The following SPAG16 variants were observed in gnomAD, a reference collection of about 807,000 sequenced individuals.
SPAG16 encodes sperm associated antigen 16.
A neutral mutation model predicts 80.4 loss-of-function variants in SPAG16; 86 were observed. That is an observed-to-expected ratio of 1.07 (90% CI 0.90 to 1.28). The LOEUF is 1.28. Ranked by LOEUF, SPAG16 falls within the 50% of genes most tolerant of loss-of-function variation. The pLI is 0.00. For missense variants in SPAG16, 870 were observed against 765.3 expected, an observed-to-expected ratio of 1.14 and a Z score of -1.61; for synonymous variants, 294 against 265.9, an observed-to-expected ratio of 1.11 and a Z score of -1.03.
chr2:213,813,011 T>C (rs2072277942), intron 10 of SPAG16, among the ~76,000 whole-genome samples: 1 of 152,202 alleles, frequency 6.6e-6, no homozygotes, highest in African/African-American at 2.4e-5. Context: ...AGTTATAAAA[T>C]TGACTTCATT....
chr2:214,246,788 G>A (rs942969682), intron 15 of SPAG16, among the ~76,000 whole-genome samples: 6 of 151,966 alleles, frequency 3.9e-5, no homozygotes, highest in African/African-American at 1.2e-4. Flanking sequence ...GCTATATTTT[G>A]GAGATATTTT....
Position 213,698,268 on chromosome 2 carries a change from T to G in SPAG16, c.1071-164217T>G, listed in dbSNP as rs115059439. ...TTAAATTTATTATTATTATGATGATTATTATTATTTTGAGACAGGGTCTCC... is the reference window on the plus strand; with the variant it reads ...TTAAATTTATTATTATTATGATGATGATTATTATTTTGAGACAGGGTCTCC... On this transcript the variant is annotated intron_variant, in intron 10 of 15. Coordinates refer to ENST00000331683, the MANE Select transcript of SPAG16 (RefSeq NM_024532.5). 7.8e-3 allele frequency among the ~76,000 whole-genome samples: 1,181 copies of G among 152,210 alleles called. 8 individuals are homozygous for G. The highest frequency in any genetic ancestry group is 0.026 in the South Asian group (124 of 4,816).
chr2:214,117,412 C>A (rs935614399), intron 14 of SPAG16, among the ~76,000 whole-genome samples: 7 of 152,096 alleles, frequency 4.6e-5, no homozygotes, highest in Non-Finnish European at 7.4e-5. Context: ...CTGAATTCTA[C>A]CAAACATGTA....
intron 15 of SPAG16, among the ~76,000 whole-genome samples, chr2:214,316,161 A>AT (rs1695681158): frequency 7.1e-6 from 1 of 141,570 alleles, no homozygotes; most frequent in Non-Finnish European, 1.5e-5. Flanking sequence ...TTTTTTTTAG[A>AT]TTTTCTTTGC....
intron 10 of SPAG16, among the ~76,000 whole-genome samples, chr2:213,675,831 C>G (rs1383496438): frequency 6.6e-6 from 1 of 151,580 alleles, no homozygotes; most frequent in Non-Finnish European, 1.5e-5. Flanking sequence ...ATGCCTCCAG[C>G]TTTGTTCTTT....
At chr2:214,379,506 C>T (rs879592575) in intron 15 of SPAG16, among the ~76,000 whole-genome samples, 1 of 152,192 alleles carries the variant, frequency 6.6e-6, no homozygotes, top group African/African-American at 2.4e-5. Flanking sequence ...CAAGAAATGT[C>T]TCCTTCTAAT....
chr2:214,265,616 C>G (rs1157580026), intron 15 of SPAG16, among the ~76,000 whole-genome samples: 3 of 151,836 alleles, frequency 2.0e-5, no homozygotes, highest in Non-Finnish European at 4.4e-5. Flanking sequence ...TAATGAGGTA[C>G]AGTGTATAAT....
intron 10 of SPAG16, among the ~76,000 whole-genome samples, chr2:213,628,997 A>G (rs979353882): frequency 5.3e-5 from 8 of 152,208 alleles, no homozygotes; most frequent in Non-Finnish European, 1.0e-4. Flanking sequence ...CAAAAGAAAA[A>G]TCAAGGTGAA....
chr2:213,696,622 G>A (rs1014277505), intron 10 of SPAG16, among the ~76,000 whole-genome samples: 18 of 152,262 alleles, frequency 1.2e-4, no homozygotes, highest in Admixed American at 9.8e-4. Context: ...AGTACTTAAA[G>A]AGGATGCAAA....
At chr2:214,080,531 C>G (rs2051326959) in intron 13 of SPAG16, among the ~76,000 whole-genome samples, 1 of 149,898 alleles carries the variant, frequency 6.7e-6, no homozygotes, top group South Asian at 2.1e-4. Flanking sequence ...TGGCGTGAAC[C>G]TGGGAGGCAG....
intron 13 of SPAG16, among the ~76,000 whole-genome samples, chr2:214,042,433 A>C (rs1352736042): frequency 6.7e-6 from 1 of 149,744 alleles, no homozygotes; most frequent in Non-Finnish European, 1.5e-5. Context: ...AACAAAAACA[A>C]AACAACAACA....
intron 9 of SPAG16, among the ~76,000 whole-genome samples, chr2:213,393,370 A>G (rs1489145115): frequency 1.9e-4 from 29 of 151,346 alleles, no homozygotes; most frequent in Non-Finnish European, 1.0e-4. Context: ...TATCACATAT[A>G]TTTGAATATA....
intron 10 of SPAG16, among the ~76,000 whole-genome samples, chr2:213,543,241 T>C (rs2076512288): frequency 6.6e-6 from 1 of 152,058 alleles, no homozygotes; most frequent in Non-Finnish European, 1.5e-5. Flanking sequence ...TTATTTCTTT[T>C]TTATGAATGG....
At chr2:214,283,432 C>G (rs1482495268) in intron 15 of SPAG16, among the ~76,000 whole-genome samples, 1 of 152,078 alleles carries the variant, frequency 6.6e-6, no homozygotes, top group Non-Finnish European at 1.5e-5. Context: ...CCTTTAAATA[C>G]TTCAGGTATT....
In SPAG16 at chr2:213,653,647, T is replaced by C. The variant is rs1339781222; in HGVS notation, c.1070+163557T>C. Among the ~76,000 whole-genome samples, 6 of 152,324 alleles carry C rather than the reference T, an allele frequency of 3.9e-5. No homozygotes were observed. In the East Asian group the frequency reaches 1.2e-3, roughly 29 times the overall value. ...GAAAACAATGTGTATAGTGGCAAATTGTAAGAAAATATATCCATCTCTCAA... is the reference window on the plus strand; with the variant it reads ...GAAAACAATGTGTATAGTGGCAAATCGTAAGAAAATATATCCATCTCTCAA... On this transcript the variant is annotated intron_variant, in intron 10 of 15. Transcript: ENST00000331683.
intron 15 of SPAG16, among the ~76,000 whole-genome samples, chr2:214,289,244 T>C (rs1295568534): frequency 1.3e-5 from 2 of 152,232 alleles, no homozygotes; most frequent in African/African-American, 2.4e-5. Context: ...TTTAGTTTAA[T>C]AGTCACATTT....
At chr2:213,774,303 T>C (rs1011577125) in intron 10 of SPAG16, among the ~76,000 whole-genome samples, 1 of 152,230 alleles carries the variant, frequency 6.6e-6, no homozygotes, top group Non-Finnish European at 1.5e-5. Flanking sequence ...GACAGGGACA[T>C]AATCCTTACG....
At chr2:214,227,142 G>C (rs925245814) in intron 15 of SPAG16, among the ~76,000 whole-genome samples, 1 of 151,900 alleles carries the variant, frequency 6.6e-6, no homozygotes, top group African/African-American at 2.4e-5. Flanking sequence ...TTCATGCCTA[G>C]AATCTGTTAA....
At chr2:214,268,352 A>C (rs1164319920) in intron 15 of SPAG16, among the ~76,000 whole-genome samples, 1 of 151,910 alleles carries the variant, frequency 6.6e-6, no homozygotes, top group Admixed American at 6.6e-5. Flanking sequence ...CTGCACTCCC[A>C]TGTTGATTGT....
Sources: gnomAD v4.1 joint callset for allele counts (sites outside exome capture counted in the v4.1 genomes callset) on GRCh38, gnomAD v4.1.1 for gene constraint, MANE v1.5 for transcripts, NCBI Gene and HGNC (gene_info 2026-07-23, HGNC 2026-07-21) for gene names.